SMIM14: variants seen among roughly 807,000 people sequenced by gnomAD.
SMIM14 encodes the protein small integral membrane protein 14.
SMIM14 carries 5 observed loss-of-function variants against 12.6 expected under a neutral mutation model. The observed-to-expected ratio is 0.40, with a 90% CI of 0.21 to 0.83. The LOEUF is 0.83. Ranked by LOEUF, SMIM14 falls within the 40% of genes least tolerant of loss-of-function variation. The pLI is 0.37. For synonymous variants in SMIM14, 30 were observed against 40.1 expected (o/e 0.75, Z 0.95); for missense variants, 86 against 119.1 (o/e 0.72, Z 1.29).
intron 1 of SMIM14, among the ~76,000 whole-genome samples, chr4:39,637,184 T>C (rs1411741763): frequency 6.6e-6 from 1 of 152,232 alleles, no homozygotes; most frequent in Non-Finnish European, 1.5e-5. Context: ...ATTTTGGTGA[T>C]CTTTGGGTGG....
rs1354719377 is a variant in SMIM14 at position 39,570,956 on chromosome 4, T to C, written c.124+1459A>G. Among the ~76,000 whole-genome samples, 4 of 152,328 alleles carry C rather than the reference T, an allele frequency of 2.6e-5. No individual in the cohort carries two copies. The East Asian group carries it at 7.7e-4, about 29-fold the overall frequency. ...TTCACCATCTTGTGAATGTCATACT[T>C]TCCTTCTTGCAGTCTTCTGATACAA... On this transcript the variant is annotated intron_variant, in intron 3 of 4. Transcript: ENST00000295958.
chr4:39,568,206 G>A (rs1179393158), intron 3 of SMIM14, among the ~76,000 whole-genome samples: 1 of 151,740 alleles, frequency 6.6e-6, no homozygotes, highest in Non-Finnish European at 1.5e-5. Flanking sequence ...TTGAGCCTGG[G>A]AGGCGGAAGT....
intron 3 of SMIM14, among the ~76,000 whole-genome samples, chr4:39,569,404 C>G (rs1365558413): frequency 6.6e-6 from 1 of 152,164 alleles, no homozygotes; most frequent in African/African-American, 2.4e-5. Flanking sequence ...AATTACCTTA[C>G]TGCGTCTTGT....
chr4:39,558,016 G>A lies in SMIM14; in HGVS notation c.125-1446C>T, dbSNP rs931689692. 6.6e-6 allele frequency among the ~76,000 whole-genome samples: 1 copy of A among 152,056 alleles called. No homozygotes were observed. Among genetic ancestry groups the A allele is most frequent in the African/African-American group, 2.4e-5 (1 of 41,368 alleles). ...TTTATCAAGAGAAAAATGCTAGACA[G>A]GGATGTATGTGCGTATACAGGCATC... On this transcript the variant is annotated intron_variant, in intron 3 of 4. Coordinates refer to ENST00000295958, the MANE Select transcript of SMIM14 (RefSeq NM_174921.3). This position sits in a 1 kb window ranked among gnomAD's most constrained non-coding sequence, Gnocchi z 4.3.
chr4:39,638,733 A>G lies in SMIM14; in HGVS notation c.-36+6T>C. On this transcript the variant is annotated splice_donor_region_variant and intron_variant, in intron 1 of 4. Coordinates refer to ENST00000295958, the MANE Select transcript of SMIM14 (RefSeq NM_174921.3). ...AAACGCTGGTGGGAGAGGGGGAGAC[A>G]CTCACCCGCCCAGACAACAACCGAT... 1 of 984,964 alleles carries G rather than the reference A, an allele frequency of 1.0e-6. No homozygotes were observed. The highest frequency in any genetic ancestry group is 1.2e-6 in the Non-Finnish European group (1 of 829,866). The allele number at this position is 984,964 out of a possible 1,614,324, so 61.0% of individuals were successfully genotyped here. A position where few individuals can be genotyped will look rare whatever the true frequency, so the allele number is the denominator to read the frequency against.
rs1005994977 is a variant in SMIM14, at chr4:39,612,725, C to T, written c.-35-7545G>A. Among the ~76,000 whole-genome samples, 5 of 152,320 alleles carry T rather than the reference C, an allele frequency of 3.3e-5. No homozygotes were observed. The South Asian group carries it at 6.2e-4, about 19-fold the overall frequency. On this transcript the variant is annotated intron_variant, in intron 1 of 4. Coordinates refer to ENST00000295958, the MANE Select transcript of SMIM14 (RefSeq NM_174921.3). The stretch of plus-strand genomic sequence containing the variant: ...CAGCAATCCTTCCACTTCAGCTTCC[C>T]CAGTAGCTGGGACTGCAGGCACCTG...
chr4:39,579,644 A>G (rs1665465214), intron 2 of SMIM14, among the ~76,000 whole-genome samples: 1 of 151,954 alleles, frequency 6.6e-6, no homozygotes. Flanking sequence ...GGAGTTTGAG[A>G]CCAACCTGGC....
intron 1 of SMIM14, among the ~76,000 whole-genome samples, chr4:39,628,912 T>C (rs1715804618): frequency 6.6e-6 from 1 of 150,468 alleles, no homozygotes; most frequent in African/African-American, 2.4e-5. Context: ...TTTATATGGT[T>C]AGTAGAGACG....
intron 1 of SMIM14, among the ~76,000 whole-genome samples, chr4:39,609,588 C>T (rs1037982142): frequency 6.6e-6 from 1 of 152,134 alleles, no homozygotes; most frequent in African/African-American, 2.4e-5. Flanking sequence ...GAAAGCCACA[C>T]TGTGCTAGAA....
rs6817371 is a variant in SMIM14 at position 39,574,257 on chromosome 4, T to C, written c.76-1794A>G. The stretch of plus-strand genomic sequence containing the variant: ...ACTTTCTTTTTTTTTTTTTTTTTTT[T>C]CTTTTCTCTTCTTAGAGACGGAGTC... On this transcript the variant is annotated intron_variant, in intron 2 of 4. Coordinates refer to ENST00000295958, the MANE Select transcript of SMIM14 (RefSeq NM_174921.3). Among the ~76,000 whole-genome samples the C allele has an allele frequency of 3.9e-3, 526 of 136,510 alleles. 3 individuals carry two copies. Among genetic ancestry groups the C allele is most frequent in the African/African-American group, 0.015 (504 of 34,694 alleles). 89.6% of individuals were successfully genotyped at this position (136,510 alleles called of 152,430 possible).
At chr4:39,603,355 G>A (rs1171192136) in intron 2 of SMIM14, among the ~76,000 whole-genome samples, 3 of 151,870 alleles carry the variant, frequency 2.0e-5, no homozygotes, top group Admixed American at 1.3e-4. Context: ...TCAGGAGATT[G>A]AGACCATCCT....
intron 1 of SMIM14, among the ~76,000 whole-genome samples, chr4:39,614,080 C>A (rs1314295328): frequency 2.0e-5 from 3 of 149,840 alleles, no homozygotes; most frequent in Non-Finnish European, 4.4e-5. Flanking sequence ...GTAATCCCAG[C>A]TGCTTGGGAG....
chr4:39,636,982 C>A (rs752187852), intron 1 of SMIM14, among the ~76,000 whole-genome samples: 5 of 152,186 alleles, frequency 3.3e-5, no homozygotes, highest in Admixed American at 6.5e-5. Context: ...TAAGGGGGCA[C>A]TACTGTGTAG....
intron 2 of SMIM14, among the ~76,000 whole-genome samples, chr4:39,590,829 T>TA (rs1274817751): frequency 1.3e-5 from 2 of 151,868 alleles, no homozygotes; most frequent in Admixed American, 1.3e-4. Context: ...ATTCCATAGT[T>TA]ATCACGGGGC....
chr4:39,609,335 A>C (rs935828027), intron 1 of SMIM14, among the ~76,000 whole-genome samples: 1 of 152,158 alleles, frequency 6.6e-6, no homozygotes, highest in African/African-American at 2.4e-5. Flanking sequence ...TATCTCAAAA[A>C]AGCTGTTACA....
chr4:39,555,176 G>C (rs1017095583), intron 4 of SMIM14, among the ~76,000 whole-genome samples: 4 of 149,434 alleles, frequency 2.7e-5, no homozygotes, highest in Non-Finnish European at 4.4e-5. Flanking sequence ...CAAATTCAGT[G>C]TTAAAAAAAA....
At chr4:39,621,563 T>C (rs1323902793) in intron 1 of SMIM14, among the ~76,000 whole-genome samples, 1 of 152,126 alleles carries the variant, frequency 6.6e-6, no homozygotes, top group Non-Finnish European at 1.5e-5. Flanking sequence ...TACAAAGGTT[T>C]ATATACAAAG....
chr4:39,562,293 C>T (rs1560283788), intron 3 of SMIM14, among the ~76,000 whole-genome samples: 1 of 152,052 alleles, frequency 6.6e-6, no homozygotes, highest in Non-Finnish European at 1.5e-5. Flanking sequence ...GGGAGGATCA[C>T]TTAAGCCCAG....
intron 1 of SMIM14, 117 bp downstream of exon 1, chr4:39,638,622 C>G: frequency 1.0e-6 from 1 of 973,874 alleles, no homozygotes. Flanking sequence ...GCCCGAGAAA[C>G]AGCCCTGTTC....
Sources: allele counts gnomAD v4.1 joint callset (sites outside exome capture counted in the v4.1 genomes callset), GRCh38; gene constraint gnomAD v4.1.1; non-coding constraint Gnocchi (gnomAD v3.1); transcripts MANE v1.5; gene names NCBI Gene and HGNC (gene_info 2026-07-23, HGNC 2026-07-21).